The following NCOA1 variants were observed in gnomAD, a reference collection of about 807,000 sequenced individuals.
NCOA1 encodes the protein Hin-2 protein.
NCOA1 carries 35 observed loss-of-function variants against 150.9 expected under a neutral mutation model. That is an observed-to-expected ratio of 0.23 (90% confidence interval 0.18 to 0.31). NCOA1 has a LOEUF of 0.31. Ranked by LOEUF, NCOA1 falls within the 10% of genes least tolerant of loss-of-function variation. The pLI is 1.00. For missense variants in NCOA1, 1,491 were observed against 1,749.3 expected (o/e 0.85, Z 2.63); for synonymous variants, 590 against 630.0 (o/e 0.94, Z 0.95).
chr2:24,652,621 A>G (rs1188584790), intron 4 of NCOA1, among the ~76,000 whole-genome samples: 1 of 152,184 alleles, frequency 6.6e-6, no homozygotes, highest in African/African-American at 2.4e-5. Context: ...CAACTGAATT[A>G]TAAGGCACAG....
At chr2:24,708,287 G>A (rs1673563608) in intron 13 of NCOA1, among the ~76,000 whole-genome samples, 1 of 152,170 alleles carries the variant, frequency 6.6e-6, no homozygotes, top group African/African-American at 2.4e-5. Context: ...AATGTAAGGA[G>A]ATGGACAAGG....
intron 3 of NCOA1, among the ~76,000 whole-genome samples, chr2:24,606,291 C>T (rs1367154944): frequency 1.3e-5 from 2 of 151,928 alleles, no homozygotes; most frequent in Non-Finnish European, 2.9e-5. Context: ...GGCTGGAGTG[C>T]AGTGGTGCAA....
intron 1 of NCOA1, among the ~76,000 whole-genome samples, chr2:24,517,374 C>G (rs1366530308): frequency 6.6e-6 from 1 of 151,944 alleles, no homozygotes. Context: ...TACCGACTTT[C>G]TCCTCTGAGC....
intron 3 of NCOA1, among the ~76,000 whole-genome samples, chr2:24,600,991 T>C (rs1222532155): frequency 2.6e-5 from 4 of 152,188 alleles, no homozygotes; most frequent in Non-Finnish European, 1.5e-5. Flanking sequence ...TATCTTACAG[T>C]ATGGAAATAT....
chr2:24,534,594 TA>T (rs1665045262), intron 1 of NCOA1, among the ~76,000 whole-genome samples: 1 of 152,228 alleles, frequency 6.6e-6, no homozygotes, highest in Non-Finnish European at 1.5e-5. Flanking sequence ...TTTAGTGCTA[TA>T]AATTTCCCTC....
At chr2:24,675,369 A>G (rs1421556887) in intron 7 of NCOA1, among the ~76,000 whole-genome samples, 1 of 152,216 alleles carries the variant, frequency 6.6e-6, no homozygotes, top group African/African-American at 2.4e-5. Flanking sequence ...AGCTTTGTTA[A>G]TGGTCTCTTA....
chr2:24,601,958 A>G (rs190227665), intron 3 of NCOA1, among the ~76,000 whole-genome samples: 27 of 152,238 alleles, frequency 1.8e-4, no homozygotes, highest in African/African-American at 4.8e-4. Context: ...CTTTACCGGA[A>G]GTCAGAATAC....
intron 22 of NCOA1, among the ~76,000 whole-genome samples, chr2:24,766,219 T>G (rs912906898): frequency 3.3e-5 from 5 of 152,184 alleles, no homozygotes; most frequent in African/African-American, 1.2e-4. Context: ...TTTTAAAAAG[T>G]TTTATTTTTA....
At chr2:24,641,532 A>G (rs1670216811) in intron 3 of NCOA1, among the ~76,000 whole-genome samples, 1 of 152,100 alleles carries the variant, frequency 6.6e-6, no homozygotes, top group Non-Finnish European at 1.5e-5. Flanking sequence ...TATTTCTTAT[A>G]TATTAATCTT....
rs765387326 is a variant in NCOA1 at position 24,707,526 on chromosome 2, C to T, written c.2056C>T (p.Arg686Trp). 3 of 1,614,134 alleles carry T rather than the reference C, an allele frequency of 1.9e-6. No homozygotes were observed. Among genetic ancestry groups the T allele is most frequent in the Admixed American group, 1.7e-5 (1 of 60,010 alleles). The change falls in exon 13 of 23, where the codon CGG becomes TGG. Residue 686 changes from arginine to tryptophan, a missense_variant. Transcript: ENST00000348332. The part of the protein sequence containing the change: ...CPSSHSSLTE[R>W]HKILHRLLQE... ...CTCTTCTCATAGCTCATTGACAGAACGGCATAAAATTCTACACCGGCTCTT... is the reference window on the plus strand; with the variant it reads ...CTCTTCTCATAGCTCATTGACAGAATGGCATAAAATTCTACACCGGCTCTT...
chr2:24,587,416 TA>T (rs55807144), intron 3 of NCOA1, among the ~76,000 whole-genome samples: 8,497 of 152,330 alleles, frequency 0.056, 322 homozygotes, highest in Non-Finnish European at 0.08. Flanking sequence ...CCAGAGTTTT[TA>T]GTTGTAATTA....
chr2:24,622,691 A>C (rs1669223204), intron 3 of NCOA1, among the ~76,000 whole-genome samples: 1 of 152,168 alleles, frequency 6.6e-6, no homozygotes, highest in South Asian at 2.1e-4. Flanking sequence ...ACATTGCCAT[A>C]ATTTTAATTC....
intron 2 of NCOA1, among the ~76,000 whole-genome samples, chr2:24,573,857 TG>T (rs1357092311): frequency 1.0e-4 from 15 of 147,366 alleles, no homozygotes; most frequent in South Asian, 2.1e-4. Flanking sequence ...GCACCTGAAA[TG>T]AGATTCAGGC....
intron 1 of NCOA1, among the ~76,000 whole-genome samples, chr2:24,515,770 C>G (rs1335275235): frequency 2.6e-5 from 4 of 152,200 alleles, no homozygotes; most frequent in Non-Finnish European, 4.4e-5. Context: ...TAAGCAATGA[C>G]TACCTATACG....
intron 4 of NCOA1, among the ~76,000 whole-genome samples, chr2:24,652,467 C>T (rs1297087969): frequency 6.6e-6 from 1 of 152,082 alleles, no homozygotes; most frequent in Non-Finnish European, 1.5e-5. Context: ...ATAAATGCTT[C>T]TTCGTGCTAA....
At chr2:24,534,832 G>A (rs1227477581) in intron 1 of NCOA1, among the ~76,000 whole-genome samples, 3 of 152,118 alleles carry the variant, frequency 2.0e-5, no homozygotes, top group Admixed American at 6.5e-5. Context: ...TGTGATTTCT[G>A]TTCTTTTACA....
intron 3 of NCOA1, among the ~76,000 whole-genome samples, chr2:24,593,011 A>G (rs933741784): frequency 1.3e-5 from 2 of 152,012 alleles, no homozygotes; most frequent in African/African-American, 2.4e-5. Flanking sequence ...GGGGTTCAAG[A>G]TGGATGAAGT....
chr2:24,715,328 G>T (rs1673969468), intron 14 of NCOA1, among the ~76,000 whole-genome samples: 1 of 152,078 alleles, frequency 6.6e-6, no homozygotes, highest in African/African-American at 2.4e-5. Context: ...AATTATATAT[G>T]TAATATGTAG....
intron 1 of NCOA1, among the ~76,000 whole-genome samples, chr2:24,559,046 C>G (rs1572418387): frequency 6.6e-6 from 1 of 152,102 alleles, no homozygotes; most frequent in Non-Finnish European, 1.5e-5. Flanking sequence ...AAAAACAACT[C>G]GCAACTTTGT....
Sources: gnomAD v4.1 joint callset for allele counts (sites outside exome capture counted in the v4.1 genomes callset) on GRCh38, gnomAD v4.1.1 for gene constraint, MANE v1.5 for transcripts, NCBI Gene and HGNC (gene_info 2026-07-23, HGNC 2026-07-21) for gene names.